HDAC9: variants seen among roughly 807,000 people sequenced by gnomAD.
HDAC9 encodes MEF-2 interacting transcription repressor (MITR) protein.
A neutral mutation model predicts 139.4 loss-of-function variants in HDAC9; 41 were observed. The ratio of observed to expected loss-of-function variants is 0.29; its 90% CI spans 0.23 to 0.38. The LOEUF is 0.38. Among genes scored for constraint, HDAC9 ranks in the 10% least tolerant of loss-of-function variants. The pLI, the probability that HDAC9 is intolerant of heterozygous loss-of-function variation, is 1.00. For synonymous variants in HDAC9, 517 were observed against 476.2 expected (o/e 1.09, Z -1.12); for missense variants, 1,147 against 1,297.0 (o/e 0.88, Z 1.78).
At chr7:18,868,460 G>A (rs375188161) in intron 21 of HDAC9, among the ~76,000 whole-genome samples, 10 of 152,270 alleles carry the variant, frequency 6.6e-5, no homozygotes, top group East Asian at 1.9e-4. Context: ...TAATTAAGGC[G>A]TTGGGATGTA....
At chr7:18,722,737 A>G (rs139894818) in intron 12 of HDAC9, among the ~76,000 whole-genome samples, 1 of 152,310 alleles carries the variant, frequency 6.6e-6, no homozygotes, top group Admixed American at 6.5e-5. Flanking sequence ...CTCTCCTTAT[A>G]CATTGAAAGC....
intron 1 of HDAC9, among the ~76,000 whole-genome samples, chr7:18,422,643 T>A (rs1789731017): frequency 6.6e-6 from 1 of 151,392 alleles, no homozygotes; most frequent in African/African-American, 2.4e-5. Context: ...TGGCAATAGG[T>A]CATGGGAAAG....
At chr7:18,796,483 GTATATTT>G (rs1209367077) in intron 17 of HDAC9, among the ~76,000 whole-genome samples, 2 of 152,312 alleles carry the variant, frequency 1.3e-5, no homozygotes, top group Admixed American at 1.3e-4. Flanking sequence ...CAGCAAATTG[GTATATTT>G]TTTGGCACAG....
intron 18 of HDAC9, 61 bp downstream of exon 18, chr7:18,829,277 C>T (rs750392116): frequency 5.2e-6 from 7 of 1,347,412 alleles, no homozygotes; most frequent in South Asian, 1.2e-5. Flanking sequence ...TCACCTGCCC[C>T]GTGCATGTTT....
At chr7:18,321,896 C>A (rs905107885) in intron 1 of HDAC9, among the ~76,000 whole-genome samples, 1 of 152,082 alleles carries the variant, frequency 6.6e-6, no homozygotes, top group African/African-American at 2.4e-5. Flanking sequence ...GGGCAGAAAT[C>A]GAAATATTTC....
At chr7:18,349,585 C>G (rs1782697293) in intron 1 of HDAC9, among the ~76,000 whole-genome samples, 1 of 151,710 alleles carries the variant, frequency 6.6e-6, no homozygotes, top group African/African-American at 2.4e-5. Context: ...GGGGACATAT[C>G]TGATATTCTT....
intron 2 of HDAC9, among the ~76,000 whole-genome samples, chr7:18,569,398 G>C (rs1823514981): frequency 6.6e-6 from 1 of 152,138 alleles, no homozygotes; most frequent in Admixed American, 6.5e-5. Context: ...GGCTGGATTT[G>C]ACCCATGAGC....
chr7:18,869,973 C>G (rs1386820389), intron 21 of HDAC9, among the ~76,000 whole-genome samples: 1 of 151,524 alleles, frequency 6.6e-6, no homozygotes, highest in East Asian at 1.9e-4. Flanking sequence ...TCCTTACCCT[C>G]TTTAATTGCT....
intron 1 of HDAC9, among the ~76,000 whole-genome samples, chr7:18,109,019 A>C (rs1289075819): frequency 6.6e-6 from 1 of 152,184 alleles, no homozygotes; most frequent in Non-Finnish European, 1.5e-5. Context: ...TAAGACAGTA[A>C]ATTTAAAAGT....
intron 12 of HDAC9, among the ~76,000 whole-genome samples, chr7:18,685,537 A>G (rs915036002): frequency 6.6e-6 from 1 of 152,082 alleles, no homozygotes; most frequent in Non-Finnish European, 1.5e-5. Flanking sequence ...TATCAGGAAG[A>G]CAGACCAATA....
intron 1 of HDAC9, among the ~76,000 whole-genome samples, chr7:18,325,769 C>A (rs1217503578): frequency 2.0e-4 from 30 of 151,992 alleles, no homozygotes; most frequent in Admixed American, 2.0e-3. Flanking sequence ...ATTATAATAT[C>A]ATGTTTTTAA....
intron 21 of HDAC9, among the ~76,000 whole-genome samples, chr7:18,870,794 C>T (rs559299242): frequency 6.6e-6 from 1 of 152,250 alleles, no homozygotes; most frequent in African/African-American, 2.4e-5. Context: ...CTGTCTCAAT[C>T]TCCCGAGTCA....
chr7:18,106,437 C>T (rs747717240), intron 1 of HDAC9, among the ~76,000 whole-genome samples: 6 of 151,920 alleles, frequency 3.9e-5, no homozygotes, highest in Non-Finnish European at 7.4e-5. Flanking sequence ...GTCTATGAGT[C>T]TTATTATCCA....
chr7:18,902,333 CT>C (rs1268659140), intron 22 of HDAC9, among the ~76,000 whole-genome samples: 17 of 152,250 alleles, frequency 1.1e-4, no homozygotes, highest in East Asian at 9.6e-4. Context: ...CTAATGTGTC[CT>C]TAGGAGAGTC....
At chr7:18,208,293 A>G (rs373649710) in intron 2 of HDAC9, among the ~76,000 whole-genome samples, 148 of 152,158 alleles carry the variant, frequency 9.7e-4, no homozygotes, top group African/African-American at 3.3e-3. Context: ...GCAACAAACA[A>G]AATGACTCCC....
chr7:18,922,245 CATTA>C (rs570042251), intron 22 of HDAC9, among the ~76,000 whole-genome samples: 284 of 151,990 alleles, frequency 1.9e-3, no homozygotes, highest in Non-Finnish European at 2.8e-3. Flanking sequence ...AATTAAAAAA[CATTA>C]ATTATTATAA....
At chr7:18,580,959 C>A (rs985559208) in intron 2 of HDAC9, among the ~76,000 whole-genome samples, 1 of 152,108 alleles carries the variant, frequency 6.6e-6, no homozygotes, top group African/African-American at 2.4e-5. Flanking sequence ...ATCCAACATT[C>A]CTTTTGGAAT....
intron 1 of HDAC9, among the ~76,000 whole-genome samples, chr7:18,447,509 A>G (rs550445092): frequency 5.9e-5 from 9 of 152,196 alleles, no homozygotes; most frequent in Non-Finnish European, 1.2e-4. Context: ...AAAAACAGAA[A>G]TGCAGCCACG....
chr7:18,230,422 G>A (rs1377016583), intron 2 of HDAC9, among the ~76,000 whole-genome samples: 1 of 152,096 alleles, frequency 6.6e-6, no homozygotes, highest in Non-Finnish European at 1.5e-5. Flanking sequence ...GTTCCTGAGA[G>A]CTGCTGTCAA....
Sources: allele counts gnomAD v4.1 joint callset (sites outside exome capture counted in the v4.1 genomes callset), GRCh38; gene constraint gnomAD v4.1.1; transcripts MANE v1.5; gene names NCBI Gene and HGNC (gene_info 2026-07-23, HGNC 2026-07-21).